Variants in ALG13 observed in about 807,000 individuals in gnomAD.
ALG13 encodes ALG13 UDP-N-acetylglucosaminyltransferase subunit, also known as UDP-N-acetylglucosamine transferase subunit ALG13.
Under a neutral mutation model 87.8 loss-of-function variants are expected in ALG13, and 11 were observed. The observed-to-expected ratio is 0.13, with a 90% CI of 0.08 to 0.21. The LOEUF (loss-of-function observed/expected upper bound fraction) is 0.21. ALG13 is among the 10% of genes least tolerant of loss of function. ALG13 has a pLI of 1.00. For missense variants in ALG13, 756 were observed against 866.1 expected (o/e 0.87, Z 1.60); for synonymous variants, 320 against 306.3 (o/e 1.04, Z -0.47).
chrX:111,719,974 G>A, intron 10 of ALG13, 121 bp from the exon 11 acceptor site: 1 of 455,055 alleles, frequency 2.2e-6, no homozygotes, highest in South Asian at 4.8e-5. Context: ...GAATGAAAAA[G>A]CATTTGCCTT....
intron 3 of ALG13, among the ~76,000 whole-genome samples, chrX:111,691,268 T>G (rs1429160672): frequency 9.1e-6 from 1 of 110,030 alleles, no homozygotes; most frequent in Admixed American, 9.7e-5. Flanking sequence ...GTGGGGCTAA[T>G]TTTTGTATTT....
intron 22 of ALG13, among the ~76,000 whole-genome samples, chrX:111,735,678 G>A (rs965925827): frequency 9.0e-6 from 1 of 111,164 alleles, no homozygotes; most frequent in Admixed American, 9.6e-5. Flanking sequence ...GTCAGTTGCT[G>A]CCAAGAGGTC....
rs767890935 is a variant in ALG13 at position 111,687,819 on chromosome X, C to T, written c.383+2716C>T. ...ATTCTTGGAAGTTAGATTCAGTCAT[C>T]AGTGGGCAGCAGATGAAGTATGGAA... On this transcript the variant is annotated intron_variant, in intron 3 of 26. Transcript: ENST00000394780. The T allele has an allele frequency of 2.8e-5, 27 of 960,911 alleles. No homozygotes were observed. In the South Asian group the frequency reaches 6.9e-4, roughly 24 times the overall value. The allele number at this position is 960,911 out of a possible 1,213,427, so 79.2% of individuals were successfully genotyped here. A position where few individuals can be genotyped will look rare whatever the true frequency, so the allele number is the denominator to read the frequency against.
chrX:111,692,767 T>C (rs1011063826), intron 3 of ALG13, among the ~76,000 whole-genome samples: 1 of 111,803 alleles, frequency 8.9e-6, no homozygotes, highest in Non-Finnish European at 1.9e-5. Context: ...TAGTAAAAGC[T>C]TACATAGAGA....
At chrX:111,739,109 TCA>T (rs1943525702) in intron 23 of ALG13, among the ~76,000 whole-genome samples, 1 of 112,035 alleles carries the variant, frequency 8.9e-6, no homozygotes, top group African/African-American at 3.2e-5. Context: ...TTTAATTTAC[TCA>T]CAGTTCTGCA....
chrX:111,729,729 G>T (rs1484634266), intron 19 of ALG13, among the ~76,000 whole-genome samples: 1 of 111,699 alleles, frequency 9.0e-6, no homozygotes, highest in Admixed American at 9.5e-5. Flanking sequence ...CATTTCAGTG[G>T]TACAGAAATC....
chrX:111,710,627 G>A (rs1366071855), intron 5 of ALG13, among the ~76,000 whole-genome samples: 1 of 112,078 alleles, frequency 8.9e-6, no homozygotes, highest in East Asian at 2.8e-4. Context: ...CATCTCAATT[G>A]TGATGATGAT....
At chrX:111,687,951 C>A in intron 3 of ALG13, 4 of 1,174,349 alleles carry the variant, frequency 3.4e-6, no homozygotes, top group Non-Finnish European at 4.6e-6. Flanking sequence ...TCCTGGCCAG[C>A]CAGAAAAATT....
chrX:111,682,080 T>G, intron 1 of ALG13, 52 bp from the exon 2 acceptor site: 1 of 1,080,392 alleles, frequency 9.3e-7, no homozygotes, highest in Non-Finnish European at 1.2e-6. Flanking sequence ...GTTCCTGCTC[T>G]GTTTTACATA....
intron 8 of ALG13, chrX:111,717,129 G>A (rs1042213296): frequency 3.6e-5 from 4 of 110,132 alleles, no homozygotes; most frequent in African/African-American, 3.3e-5. Context: ...CAAAAATTCA[G>A]AAAGGTTTTG....
chrX:111,725,154 G>A (rs1341222195), intron 15 of ALG13, 93 bp downstream of exon 15: 1 of 1,025,786 alleles, frequency 9.7e-7, no homozygotes, highest in Non-Finnish European at 1.3e-6. Context: ...TATGTCATAT[G>A]TCTTGTTGTA....
Position 111,728,241 on chromosome X carries a change from G to A in ALG13, c.2304G>A (p.Arg768=), listed in dbSNP as rs762789183. Residue 768 remains arginine, a synonymous_variant, in exon 19 of 27, where the codon AGG becomes AGA. Transcript: ENST00000394780. The stretch of plus-strand genomic sequence containing the variant: ...CTACTTCAGGATACTGTGTTGGAAG[G>A]CGGGGACATAGCTCAGGCAAACAGA... ...VPATSGYCVG[R]RGHSSGKQTL... is the part of the protein sequence containing the mutation. 1.7e-6 allele frequency: 2 copies of A among 1,209,795 alleles called. No individual in the cohort carries two copies. Among genetic ancestry groups the A allele is most frequent in the African/African-American group, 3.5e-5 (2 of 57,242 alleles).
chrX:111,752,762 C>A (rs1458764581), intron 24 of ALG13, 28 bp from the exon 25 acceptor site: 5 of 1,087,015 alleles, frequency 4.6e-6, no homozygotes, highest in Non-Finnish European at 6.3e-6. Context: ...TCAGTCAAGT[C>A]ACTAATTTTT....
In ALG13 at chrX:111,738,247, T is replaced by G. The variant is rs5985640; in HGVS notation, c.2695+1368T>G. Reference sequence around the variant, plus strand: ...GTCATTTTAGTAATGGAGACTAAACTGTAATGAGCTTGAGCAAATACAGGT... The same window carrying G: ...GTCATTTTAGTAATGGAGACTAAACGGTAATGAGCTTGAGCAAATACAGGT... On this transcript the variant is annotated intron_variant, in intron 23 of 26. Coordinates refer to ENST00000394780, the MANE Select transcript of ALG13 (RefSeq NM_001099922.3). Among the ~76,000 whole-genome samples the G allele has an allele frequency of 3.5e-3, 392 of 112,532 alleles. 4 individuals are homozygous for G. Among genetic ancestry groups the G allele is most frequent in the African/African-American group, 0.011 (354 of 31,019 alleles).
At chrX:111,722,980 G>A in intron 13 of ALG13, 123 bp downstream of exon 13, 1 of 479,181 alleles carries the variant, frequency 2.1e-6, no homozygotes. Context: ...AAAGAGATAG[G>A]GTCTAGCTCT....
chrX:111,728,567 C>A (rs994030705), intron 19 of ALG13, among the ~76,000 whole-genome samples: 13 of 111,536 alleles, frequency 1.2e-4, no homozygotes, highest in African/African-American at 4.2e-4. Context: ...TGAGTTTTGA[C>A]TTGGTGTCAG....
chrX:111,701,644 G>T (rs1397268487), intron 3 of ALG13, among the ~76,000 whole-genome samples: 1 of 111,073 alleles, frequency 9.0e-6, no homozygotes. Context: ...TCTTAGTTTC[G>T]TTTATTATTT....
At chrX:111,714,538 A>G (rs1940277340) in intron 8 of ALG13, among the ~76,000 whole-genome samples, 1 of 111,116 alleles carries the variant, frequency 9.0e-6, no homozygotes, top group Non-Finnish European at 1.9e-5. Context: ...AAGATAGTCT[A>G]GAGTTACATA....
intron 11 of ALG13, 103 bp downstream of exon 11, chrX:111,720,273 G>A: frequency 4.3e-6 from 2 of 465,041 alleles, no homozygotes; most frequent in African/African-American, 2.4e-5. Context: ...TATGGGTTGA[G>A]GGAGGAGTTG....
Sources: allele counts gnomAD v4.1 joint callset (sites outside exome capture counted in the v4.1 genomes callset), GRCh38; gene constraint gnomAD v4.1.1; transcripts MANE v1.5; gene names NCBI Gene and HGNC (gene_info 2026-07-23, HGNC 2026-07-21).